The following MEGF10 variants were observed in gnomAD, a reference collection of about 807,000 sequenced individuals.
MEGF10 encodes multiple EGF like domains 10.
Under a neutral mutation model 147.5 loss-of-function variants are expected in MEGF10, and 86 were observed. The ratio of observed to expected loss-of-function variants is 0.58; its 90% CI spans 0.49 to 0.70. The LOEUF (loss-of-function observed/expected upper bound fraction) is 0.70, where lower values mean the gene tolerates loss of function less well. Among genes scored for constraint, MEGF10 ranks in the 30% least tolerant of loss-of-function variants. The pLI is 0.00. For synonymous variants in MEGF10, 478 were observed against 525.5 expected (o/e 0.91, Z 1.24); for missense variants, 1,329 against 1,487.3 (o/e 0.89, Z 1.75).
chr5:127,269,679 A>G, the MEGF10 span, among the ~76,000 whole-genome samples: 2 of 152,342 alleles, frequency 1.3e-5, no homozygotes, highest in East Asian at 3.9e-4. Context: ...GATATTATCC[A>G]GGAGAAATTC....
At chr5:127,252,581 G>A in the MEGF10 span, among the ~76,000 whole-genome samples, 1 of 151,970 alleles carries the variant, frequency 6.6e-6, no homozygotes, top group African/African-American at 2.4e-5. Context: ...TGCACGTTGT[G>A]TTTACATATA....
At chr5:127,260,445 G>A in the MEGF10 span, among the ~76,000 whole-genome samples, 1,756 of 152,236 alleles carry the variant, frequency 0.012, 97 homozygotes, top group East Asian at 0.13. Flanking sequence ...GTTCCCAGAA[G>A]TTTCTGGTAA....
At chr5:127,332,353 G>C (rs1171037582) in intron 2 of MEGF10, among the ~76,000 whole-genome samples, 1 of 152,142 alleles carries the variant, frequency 6.6e-6, no homozygotes, top group African/African-American at 2.4e-5. Context: ...TTTAATAGCT[G>C]TAAGTACAAT....
intron 1 of MEGF10, among the ~76,000 whole-genome samples, chr5:127,294,972 A>G (rs1759433892): frequency 1.3e-5 from 2 of 152,022 alleles, no homozygotes; most frequent in South Asian, 4.1e-4. Context: ...ATCCTTTAGG[A>G]TGGTTTTGGT....
chr5:127,334,946 G>A (rs1190704613), intron 2 of MEGF10, among the ~76,000 whole-genome samples: 1 of 152,148 alleles, frequency 6.6e-6, no homozygotes, highest in Non-Finnish European at 1.5e-5. Flanking sequence ...GTGCCCAAGT[G>A]ATAATGTCTT....
intron 7 of MEGF10, among the ~76,000 whole-genome samples, chr5:127,402,189 T>C (rs1764157905): frequency 6.6e-6 from 1 of 152,220 alleles, no homozygotes; most frequent in Non-Finnish European, 1.5e-5. Context: ...TTATTGTGCA[T>C]GTAAGACACA....
At chr5:127,348,177 A>C (rs973645219) in intron 4 of MEGF10, among the ~76,000 whole-genome samples, 12 of 152,102 alleles carry the variant, frequency 7.9e-5, no homozygotes, top group African/African-American at 2.7e-4. Flanking sequence ...TTGCTAAACT[A>C]TGCACCATGA....
At chr5:127,419,045 A>G (rs1764882377) in intron 10 of MEGF10, 75 bp from the exon 11 acceptor site, 3 of 1,495,398 alleles carry the variant, frequency 2.0e-6, no homozygotes, top group Admixed American at 4.5e-5. Context: ...TTGCCAAGAT[A>G]TATTTTTGTT....
chr5:127,455,967 T>C lies in MEGF10; in HGVS notation c.3232+360T>C, dbSNP rs374481803. On this transcript the variant is annotated intron_variant, in intron 24 of 24. Coordinates refer to ENST00000503335, the MANE Select transcript of MEGF10 (RefSeq NM_001256545.2). The stretch of plus-strand genomic sequence containing the variant: ...CCATATTTTATTAATAGATGCGACC[T>C]GTGTTTTTAGCGATCATATTAATTG... 3.9e-5 allele frequency among the ~76,000 whole-genome samples: 6 copies of C among 152,176 alleles called. No individual in the cohort carries two copies. In the East Asian group the frequency reaches 1.2e-3, roughly 29 times the overall value.
In MEGF10 at chr5:127,455,607, G is replaced by T; in HGVS notation, c.3232G>T (p.Glu1078Ter). Residue 1078 changes from glutamate (E) to a stop codon, truncating the protein, a stop_gained and splice_region_variant, in exon 24 of 25, where the codon GAA (glutamate) becomes TAA (stop). Transcript: ENST00000503335. LOFTEE classifies it high-confidence loss of function. ...AGCCAACAGGAATGTCTATGAAGTT[G>T]GTGAGTTCCCTTAACCATAGAAAGA... ...TSANRNVYEV[E>*]PTVSVVQGVF... 1 of 1,613,836 alleles carries T rather than the reference G, an allele frequency of 6.2e-7. No individual in the cohort carries two copies. Among genetic ancestry groups the T allele is most frequent in the Non-Finnish European group, 8.5e-7 (1 of 1,179,876 alleles).
At chr5:127,325,158 G>A (rs1282408711) in intron 1 of MEGF10, among the ~76,000 whole-genome samples, 1 of 152,126 alleles carries the variant, frequency 6.6e-6, no homozygotes, top group East Asian at 1.9e-4. Context: ...TCAAGTCCCT[G>A]CTCAAGTTTG....
chr5:127,410,041 T>A (rs867290287), intron 8 of MEGF10, among the ~76,000 whole-genome samples: 1 of 152,206 alleles, frequency 6.6e-6, no homozygotes, highest in East Asian at 1.9e-4. Flanking sequence ...CATTTGAAAA[T>A]TTTTTTCCCA....
the MEGF10 span, among the ~76,000 whole-genome samples, chr5:127,281,315 G>C: frequency 6.6e-6 from 1 of 152,182 alleles, no homozygotes; most frequent in African/African-American, 2.4e-5. Flanking sequence ...TTATTGGAGA[G>C]TCAGTGGGAT....
At chr5:127,393,595 T>C (rs928994625) in intron 5 of MEGF10, among the ~76,000 whole-genome samples, 6 of 152,230 alleles carry the variant, frequency 3.9e-5, no homozygotes, top group Non-Finnish European at 7.3e-5. Flanking sequence ...GGTATTCACA[T>C]TGTGAGGTCC....
the MEGF10 span, among the ~76,000 whole-genome samples, chr5:127,264,600 C>G: frequency 1.3e-5 from 2 of 152,090 alleles, no homozygotes; most frequent in Non-Finnish European, 2.9e-5. Flanking sequence ...ATGTTGCACT[C>G]TCCATCAGGC....
At position 127,398,868 on chromosome 5, in the gene MEGF10, T is replaced by C. The variant is rs1764024552; in HGVS notation, c.780+72T>C. ...TTCCAGGATACTCAGTGCATACACATGCAGGAGACTTTAGCACAAAGGAAA... is the reference window on the plus strand; with the variant it reads ...TTCCAGGATACTCAGTGCATACACACGCAGGAGACTTTAGCACAAAGGAAA... On this transcript the variant is annotated intron_variant, in intron 7 of 24. Transcript: ENST00000503335. 3.8e-6 allele frequency: 6 copies of C among 1,589,684 alleles called. No individual in the cohort carries two copies. The East Asian group carries it at 1.3e-4, about 36-fold the overall frequency.
At chr5:127,308,534 T>G (rs1003470050) in intron 1 of MEGF10, among the ~76,000 whole-genome samples, 3 of 152,118 alleles carry the variant, frequency 2.0e-5, no homozygotes, top group African/African-American at 7.2e-5. Context: ...TATGCAGCCA[T>G]AAAAAATGAT....
At chr5:127,336,867 A>G (rs1355016014) in intron 2 of MEGF10, among the ~76,000 whole-genome samples, 2 of 151,936 alleles carry the variant, frequency 1.3e-5, no homozygotes, top group Non-Finnish European at 2.9e-5. Context: ...CTCATAGGTG[A>G]TGTAGGACTG....
At chr5:127,284,349 G>T in the MEGF10 span, among the ~76,000 whole-genome samples, 1 of 152,102 alleles carries the variant, frequency 6.6e-6, no homozygotes, top group African/African-American at 2.4e-5. Flanking sequence ...ATAAAGCTGT[G>T]TACACACAAG....
Sources: gnomAD v4.1 joint callset for allele counts (sites outside exome capture counted in the v4.1 genomes callset) on GRCh38, gnomAD v4.1.1 for gene constraint, MANE v1.5 for transcripts, NCBI Gene and HGNC (gene_info 2026-07-23, HGNC 2026-07-21) for gene names.